Variants in CD163L1 observed in about 807,000 individuals in gnomAD.
CD163L1 encodes scavenger receptor cysteine-rich type 1 protein M160.
A neutral mutation model predicts 165.4 loss-of-function variants in CD163L1; 124 were observed. The observed-to-expected ratio is 0.75, with a 90% confidence interval of 0.65 to 0.87. CD163L1 has a LOEUF of 0.87. CD163L1 is among the 40% of genes least tolerant of loss of function. The probability of loss-of-function intolerance (pLI) is 0.00; values close to 1 mark genes in which losing one functional copy is unlikely to be tolerated. For synonymous variants in CD163L1, 585 were observed against 662.2 expected (o/e 0.88, Z 1.79); for missense variants, 1,525 against 1,799.9 (o/e 0.85, Z 2.76).
At chr12:7,357,333 G>A in intron 19 of CD163L1, 47 bp downstream of exon 19, 1 of 1,212,286 alleles carries the variant, frequency 8.2e-7, no homozygotes, top group South Asian at 1.2e-5. Flanking sequence ...TGCGACAGTG[G>A]GAGATTAAAT....
At chr12:7,321,637 T>C in the CD163L1 span, among the ~76,000 whole-genome samples, 14 of 152,242 alleles carry the variant, frequency 9.2e-5, no homozygotes, top group Non-Finnish European at 5.9e-5. Context: ...TGATTTGTAT[T>C]CTACCCACAC....
intron 18 of CD163L1, among the ~76,000 whole-genome samples, chr12:7,359,699 G>C (rs1946852733): frequency 6.6e-6 from 1 of 151,892 alleles, no homozygotes; most frequent in Admixed American, 6.6e-5. Context: ...AATAAATACA[G>C]GTAAAATAAA....
At chr12:7,416,013 A>G (rs1190567987) in intron 4 of CD163L1, among the ~76,000 whole-genome samples, 1 of 152,200 alleles carries the variant, frequency 6.6e-6, no homozygotes, top group East Asian at 1.9e-4. Context: ...TGTCTTCCAC[A>G]ATGGTTGAAC....
chr12:7,421,214 T>C lies in CD163L1; in HGVS notation c.766+11202A>G, dbSNP rs1291501164. Among the ~76,000 whole-genome samples, 4 of 134,986 alleles carry C rather than the reference T, an allele frequency of 3.0e-5. 1 individual carries two copies. Among genetic ancestry groups the C allele is most frequent in the African/African-American group, 8.1e-5 (3 of 37,146 alleles). The allele number at this position is 134,986 out of a possible 152,430, so 88.6% of individuals were successfully genotyped here. On this transcript the variant is annotated intron_variant, in intron 4 of 19. Coordinates refer to ENST00000313599, the MANE Select transcript of CD163L1 (RefSeq NM_174941.6). ...ATATATGTATATATATGGGTATATA[T>C]ATGTGTATATATATGTATATATACA...
Position 7,433,601 on chromosome 12 carries a change from C to G in CD163L1, c.218G>C (p.Cys73Ser), listed in dbSNP as rs776778907. The change falls in exon 3 of 20, where the codon TGT (cysteine) becomes TCT (serine). Residue 73 changes from cysteine (C) to serine (S), a missense_variant. Coordinates refer to ENST00000313599, the MANE Select transcript of CD163L1 (RefSeq NM_174941.6). ...GGCAGTAGTGTTCCACCCATCATCACACACAGTCCCCCACTGTCCCTGGAA... is the reference window on the plus strand; with the variant it reads ...GGCAGTAGTGTTCCACCCATCATCAGACACAGTCCCCCACTGTCCCTGGAA... ...VKFQGQWGTV[C>S]DDGWNTTAST... 6.2e-7 allele frequency: 1 copy of G among 1,614,174 alleles called. No homozygotes were observed. The highest frequency in any genetic ancestry group is 1.1e-5 in the South Asian group (1 of 91,086).
chr12:7,442,207 C>G (rs149025498), intron 1 of CD163L1, among the ~76,000 whole-genome samples: 3 of 152,074 alleles, frequency 2.0e-5, no homozygotes, highest in Non-Finnish European at 2.9e-5. Flanking sequence ...AGAGAACTAT[C>G]TTAAATAGTA....
At position 7,396,366 on chromosome 12, in the gene CD163L1, C is replaced by T. The variant is rs772137332; in HGVS notation, c.1779G>A (p.Ser593=). Residue 593 remains serine (S), a synonymous_variant, in exon 8 of 20, where the codon TCG becomes TCA. Transcript: ENST00000313599. ...LRLVGGSNRC[S]GRLEVYFQGR... is the part of the protein sequence containing the mutation. ...CTTGAAAGTACACCTCCAGTCTTCC[C>T]GAGCAGCGGTTGCTGCCGCCCACCA... The T allele has an allele frequency of 5.0e-5, 80 of 1,611,824 alleles. No homozygotes were observed. Among genetic ancestry groups the T allele is most frequent in the African/African-American group, 1.9e-4 (14 of 74,892 alleles).
At chr12:7,337,121 A>G in the CD163L1 span, among the ~76,000 whole-genome samples, 1 of 152,210 alleles carries the variant, frequency 6.6e-6, no homozygotes, top group Non-Finnish European at 1.5e-5. Flanking sequence ...AGCCATATGC[A>G]GAAACAAAAA....
downstream of CD163L1, among the ~76,000 whole-genome samples, chr12:7,344,880 C>T (rs1478287867): frequency 6.6e-6 from 1 of 152,234 alleles, no homozygotes; most frequent in Non-Finnish European, 1.5e-5. Context: ...GAGGCTGCAG[C>T]TGGAGCAGAT....
chr12:7,375,237 T>G (rs1187178402), intron 11 of CD163L1, 44 bp downstream of exon 11: 2 of 1,587,102 alleles, frequency 1.3e-6, no homozygotes, highest in East Asian at 4.5e-5. Flanking sequence ...CTACCATGTC[T>G]GGGCTATATT....
chr12:7,423,196 C>T (rs1948471783), intron 4 of CD163L1, among the ~76,000 whole-genome samples: 1 of 152,134 alleles, frequency 6.6e-6, no homozygotes, highest in African/African-American at 2.4e-5. Context: ...CACACAACTA[C>T]ATGGAAACTG....
intron 5 of CD163L1, among the ~76,000 whole-genome samples, chr12:7,404,499 G>A (rs1019969890): frequency 3.3e-5 from 5 of 152,120 alleles, no homozygotes; most frequent in South Asian, 2.1e-4. Context: ...TATACATCAC[G>A]TTACTTCTTT....
rs927313955 is a variant in CD163L1, at chr12:7,390,307, T to TA, written c.2050+5787dup. ...AATAGCACAGTAGGGTGACTATAGT[T>TA]AAAAAACAATATATTGTATATTTTT... On this transcript the variant is annotated intron_variant, in intron 8 of 19. Coordinates refer to ENST00000313599, the MANE Select transcript of CD163L1 (RefSeq NM_174941.6). Among the ~76,000 whole-genome samples the TA allele has an allele frequency of 7.2e-5, 11 of 152,056 alleles. No homozygotes were observed. In the East Asian group the frequency reaches 2.1e-3, roughly 29 times the overall value.
intron 8 of CD163L1, among the ~76,000 whole-genome samples, chr12:7,385,949 G>A (rs897529145): frequency 3.3e-5 from 5 of 151,856 alleles, no homozygotes; most frequent in Non-Finnish European, 5.9e-5. Flanking sequence ...CACTAGAAAA[G>A]CAAGACCAAA....
chr12:7,440,227 C>G (rs971385049), intron 2 of CD163L1, among the ~76,000 whole-genome samples: 6 of 152,066 alleles, frequency 3.9e-5, no homozygotes, highest in African/African-American at 1.4e-4. Flanking sequence ...GCCGGCCCTC[C>G]GCGCAGGCAG....
At chr12:7,429,794 T>G (rs1948599739) in intron 4 of CD163L1, among the ~76,000 whole-genome samples, 1 of 152,106 alleles carries the variant, frequency 6.6e-6, no homozygotes, top group Admixed American at 6.5e-5. Flanking sequence ...TCAAAAGCTA[T>G]TCTTCATTCA....
rs1487332834 is a variant in CD163L1, at chr12:7,388,613, G to A, written c.2050+7482C>T. On this transcript the variant is annotated intron_variant, in intron 8 of 19. Transcript: ENST00000313599. Reference sequence around the variant, plus strand: ...ACAAAAATTGGCAGGGTGTGATGGCGCATGCCAGTGGTCCTAGCTACTTGG... The same window carrying A: ...ACAAAAATTGGCAGGGTGTGATGGCACATGCCAGTGGTCCTAGCTACTTGG... Among the ~76,000 whole-genome samples, 12 of 151,904 alleles carry A rather than the reference G, an allele frequency of 7.9e-5. No homozygotes were observed. The South Asian group carries it at 1.7e-3, about 21-fold the overall frequency.
At chr12:7,437,215 T>TA (rs1565820124) in intron 2 of CD163L1, among the ~76,000 whole-genome samples, 15 of 29,744 alleles carry the variant, frequency 5.0e-4, no homozygotes, top group African/African-American at 1.1e-3. Context: ...TTTTTTATTT[T>TA]AATAGTATTT....
At chr12:7,353,866 T>G (rs964709783), downstream of CD163L1, among the ~76,000 whole-genome samples, 2 of 152,202 alleles carry the variant, frequency 1.3e-5, no homozygotes, top group East Asian at 3.9e-4. Flanking sequence ...TTTACTGCAG[T>G]ACAGCAATAT....
Sources: allele counts gnomAD v4.1 joint callset (sites outside exome capture counted in the v4.1 genomes callset), GRCh38; gene constraint gnomAD v4.1.1; transcripts MANE v1.5; gene names NCBI Gene and HGNC (gene_info 2026-07-23, HGNC 2026-07-21).